The following CUX2 variants were observed in gnomAD, a reference collection of about 807,000 sequenced individuals.
CUX2 encodes the protein cut like homeobox 2, also known as homeobox protein cut-like 2.
Under a neutral mutation model 144.8 loss-of-function variants are expected in CUX2, and 40 were observed. That is an observed-to-expected ratio of 0.28 (90% CI 0.21 to 0.36). CUX2 has a LOEUF of 0.36. CUX2 is among the 10% of genes least tolerant of loss of function. The pLI is 1.00. For synonymous variants in CUX2, 827 were observed against 875.6 expected (o/e 0.94, Z 0.98); for missense variants, 1,615 against 1,994.0 (o/e 0.81, Z 3.62).
chr12:111,233,243 C>T (rs1882569415), intron 3 of CUX2, among the ~76,000 whole-genome samples: 1 of 152,146 alleles, frequency 6.6e-6, no homozygotes, highest in East Asian at 1.9e-4. Context: ...CCAAGCACAG[C>T]ATCATCTTGA....
At chr12:111,249,901 C>A (rs1883482609) in intron 3 of CUX2, among the ~76,000 whole-genome samples, 1 of 152,156 alleles carries the variant, frequency 6.6e-6, no homozygotes, top group Non-Finnish European at 1.5e-5. Flanking sequence ...GCATTTGTTA[C>A]CGTGATGAAC....
intron 3 of CUX2, among the ~76,000 whole-genome samples, chr12:111,241,742 A>G (rs1883029746): frequency 6.6e-6 from 1 of 152,274 alleles, no homozygotes; most frequent in Non-Finnish European, 1.5e-5. Context: ...AGCTGGAGCA[A>G]TCTGCTTCTT....
intron 1 of CUX2, among the ~76,000 whole-genome samples, chr12:111,184,562 C>T (rs1879385714): frequency 7.4e-6 from 1 of 135,270 alleles, no homozygotes; most frequent in South Asian, 2.4e-4. Flanking sequence ...CATGGCAAAC[C>T]TTCTCTCTAC....
chr12:111,324,567 C>T (rs1887686834), intron 18 of CUX2, among the ~76,000 whole-genome samples: 1 of 151,886 alleles, frequency 6.6e-6, no homozygotes, highest in South Asian at 2.1e-4. Context: ...ATGGCATGAT[C>T]TCGGCTCACT....
rs558978252 is a variant in CUX2, at chr12:111,077,332, G to A, written c.63+43092G>A. Reference sequence around the variant, plus strand: ...GGAAGACGTGGGTAATGTATTCACAGACATGACTCCCAGACCCCGAGTGTC... The same window carrying A: ...GGAAGACGTGGGTAATGTATTCACAAACATGACTCCCAGACCCCGAGTGTC... On this transcript the variant is annotated intron_variant, in intron 1 of 21. Transcript: ENST00000261726. The surrounding 1 kb of genome is among the most constrained non-coding windows in gnomAD (Gnocchi z 4.1). Among the ~76,000 whole-genome samples the A allele has an allele frequency of 1.3e-5, 2 of 152,246 alleles. No homozygotes were observed. Among genetic ancestry groups the A allele is most frequent in the East Asian group, 3.9e-4 (2 of 5,148 alleles).
rs562055606 is a variant in CUX2 at position 111,152,244 on chromosome 12, CT to C, written c.64-61955del. On this transcript the variant is annotated intron_variant, in intron 1 of 21. Transcript: ENST00000261726. ...AGGTTGCAATGAGCCAAGATCATGC[CT>C]CTGCACTCCAGCCTGGGCGACAGAG... is the stretch of plus-strand genomic sequence containing the variant. Among the ~76,000 whole-genome samples the C allele has an allele frequency of 1.6e-3, 240 of 152,154 alleles. 1 individual carries two copies. The highest frequency in any genetic ancestry group is 4.6e-3 in the South Asian group (22 of 4,814).
intron 1 of CUX2, among the ~76,000 whole-genome samples, chr12:111,083,378 C>G (rs1872015063): frequency 6.6e-6 from 1 of 152,088 alleles, no homozygotes; most frequent in Non-Finnish European, 1.5e-5. Context: ...ATGTTGGAGC[C>G]TGGGGCCGGG....
intron 1 of CUX2, among the ~76,000 whole-genome samples, chr12:111,172,961 C>T (rs998754443): frequency 2.6e-5 from 4 of 152,226 alleles, no homozygotes; most frequent in African/African-American, 7.2e-5. Context: ...CCAATAAACT[C>T]GGGGCTTAGT....
At chr12:111,328,580 T>TTATG (rs1555217351) in intron 18 of CUX2, among the ~76,000 whole-genome samples, 1 of 135,752 alleles carries the variant, frequency 7.4e-6, no homozygotes, top group African/African-American at 2.8e-5. Flanking sequence ...CCAATTTCTT[T>TTATG]TGTGTGTGTG....
chr12:111,230,783 G>C (rs1882427241), intron 3 of CUX2, among the ~76,000 whole-genome samples: 1 of 152,226 alleles, frequency 6.6e-6, no homozygotes, highest in Admixed American at 6.5e-5. Context: ...CTAGCTGGCT[G>C]GGAGGAGCCC....
intron 1 of CUX2, among the ~76,000 whole-genome samples, chr12:111,044,527 T>C (rs9669540): frequency 0.063 from 9,306 of 146,730 alleles, 948 homozygotes; most frequent in African/African-American, 0.24. Context: ...TCAGTTAGTT[T>C]GGTCCTTTGC....
intron 1 of CUX2, among the ~76,000 whole-genome samples, chr12:111,172,644 G>A (rs556364507): frequency 6.6e-6 from 1 of 152,186 alleles, no homozygotes; most frequent in Non-Finnish European, 1.5e-5. Context: ...TCCGAACCTC[G>A]AGCTGTCTGG....
intron 16 of CUX2, among the ~76,000 whole-genome samples, chr12:111,318,236 TTC>T (rs1173301137): frequency 8.0e-6 from 1 of 124,956 alleles, no homozygotes; most frequent in Non-Finnish European, 1.5e-5. Flanking sequence ...TAATTTTTTT[TTC>T]TTTTTTCTTT....
At chr12:111,089,841 C>G (rs1049903824) in intron 1 of CUX2, among the ~76,000 whole-genome samples, 2 of 152,170 alleles carry the variant, frequency 1.3e-5, no homozygotes, top group Non-Finnish European at 2.9e-5. Flanking sequence ...CACTGTGGCC[C>G]TAGGTCTCCT....
rs1565917672 is a variant in CUX2, at chr12:111,320,505, GC to G, written c.2502del (p.Glu835ArgfsTer42). Reference sequence around the variant, plus strand: ...GGCCCCGCGGGGACGAGGCCCCTGTGCCCCCCGAGGACGAGGCGGCGGCAGG... The same window carrying G: ...GGCCCCGCGGGGACGAGGCCCCTGTGCCCCCGAGGACGAGGCGGCGGCAGG... ...AWPRGDEAPV[P>X]PEDEAAAGAE... On this transcript the variant is annotated frameshift_variant, in exon 17 of 22. Transcript: ENST00000261726. LOFTEE classifies it high-confidence loss of function. This position sits in a 1 kb window ranked among gnomAD's most constrained non-coding sequence, Gnocchi z 8.1. 1.3e-6 allele frequency: 2 copies of G among 1,580,090 alleles called. No individual in the cohort carries two copies.
chr12:111,199,084 C>A (rs905897043), intron 1 of CUX2, among the ~76,000 whole-genome samples: 1 of 152,074 alleles, frequency 6.6e-6, no homozygotes, highest in Admixed American at 6.5e-5. Flanking sequence ...GAGGAGGCCT[C>A]GGAAATAATC....
Position 111,294,846 on chromosome 12 carries a change from C to T in CUX2, c.561-487C>T, listed in dbSNP as rs1435648653. Among the ~76,000 whole-genome samples, 5 of 151,166 alleles carry T rather than the reference C, an allele frequency of 3.3e-5. 1 individual carries two copies. Among genetic ancestry groups the T allele is most frequent in the South Asian group, 2.1e-4 (1 of 4,730 alleles). ...CTGGGAGGCGGAGGTTGCAGTGAGC[C>T]GAGTTCGGGTCACTGCACTCCAGCC... is the stretch of plus-strand genomic sequence containing the variant. On this transcript the variant is annotated intron_variant, in intron 6 of 21. Coordinates refer to ENST00000261726, the MANE Select transcript of CUX2 (RefSeq NM_015267.4).
In CUX2 at chr12:111,320,277, G is replaced by A. The variant is rs1489301121; in HGVS notation, c.2268G>A (p.Gln756=). Residue 756 remains glutamine (Q), a synonymous_variant, in exon 17 of 22, where the codon CAG becomes CAA. Transcript: ENST00000261726. This position sits in a 1 kb window ranked among gnomAD's most constrained non-coding sequence, Gnocchi z 8.1. ...KQEEGSGGPA[Q]APLPVLSPAA... ...AGGAGGGCAGCGGGGGCCCCGCGCA[G>A]GCGCCGCTCCCGGTCCTGTCCCCCG... 1 of 1,594,948 alleles carries A rather than the reference G, an allele frequency of 6.3e-7. No homozygotes were observed. Among genetic ancestry groups the A allele is most frequent in the Non-Finnish European group, 8.5e-7 (1 of 1,177,804 alleles).
intron 3 of CUX2, among the ~76,000 whole-genome samples, chr12:111,230,929 C>A (rs1237057804): frequency 6.6e-6 from 1 of 152,048 alleles, no homozygotes; most frequent in African/African-American, 2.4e-5. Flanking sequence ...AGCACACACA[C>A]AGTAGATGGA....
Sources: allele counts gnomAD v4.1 joint callset (sites outside exome capture counted in the v4.1 genomes callset), GRCh38; gene constraint gnomAD v4.1.1; non-coding constraint Gnocchi (gnomAD v3.1); transcripts MANE v1.5; gene names NCBI Gene and HGNC (gene_info 2026-07-23, HGNC 2026-07-21).